Variants in SIM2 observed in about 807,000 individuals in gnomAD.
SIM2 encodes the protein SIM bHLH transcription factor 2.
SIM2 carries 28 observed loss-of-function variants against 64.8 expected under a neutral mutation model. That is an observed-to-expected ratio of 0.43 (90% CI 0.32 to 0.59). SIM2 has a LOEUF of 0.59. Among genes scored for constraint, SIM2 ranks in the 20% least tolerant of loss-of-function variants. The probability of loss-of-function intolerance (pLI) is 0.07; values close to 1 mark genes in which losing one functional copy is unlikely to be tolerated. For missense variants in SIM2, 847 were observed against 871.4 expected, an observed-to-expected ratio of 0.97 and a Z score of 0.35; for synonymous variants, 408 against 391.1, an observed-to-expected ratio of 1.04 and a Z score of -0.51.
intron 7 of SIM2, among the ~76,000 whole-genome samples, chr21:36,738,878 G>A (rs1601053851): frequency 6.6e-6 from 1 of 152,206 alleles, no homozygotes; most frequent in African/African-American, 2.4e-5. Flanking sequence ...TGTTAAGCCT[G>A]GGCAGAAAAG....
chr21:36,732,906 GGAGACGGGA>G (rs999902587), intron 7 of SIM2, among the ~76,000 whole-genome samples: 29 of 152,298 alleles, frequency 1.9e-4, no homozygotes, highest in African/African-American at 6.7e-4. Flanking sequence ...AGAGCAGTTG[GGAGACGGGA>G]GAGGCATTTG....
intron 7 of SIM2, among the ~76,000 whole-genome samples, chr21:36,740,748 C>T (rs2089149329): frequency 1.3e-5 from 2 of 152,238 alleles, no homozygotes; most frequent in African/African-American, 4.8e-5. Context: ...GAGTTTCCTT[C>T]AGCCCCAGCT....
At chr21:36,707,482 G>C (rs893066384) in intron 1 of SIM2, among the ~76,000 whole-genome samples, 27 of 152,168 alleles carry the variant, frequency 1.8e-4, no homozygotes, top group African/African-American at 6.0e-4. Context: ...TCCCGGGATC[G>C]TGTATGTGGA....
chr21:36,719,783 G>A, intron 3 of SIM2, 38 bp from the exon 4 acceptor site: 1 of 1,266,138 alleles, frequency 7.9e-7, no homozygotes, highest in Non-Finnish European at 1.2e-6. Flanking sequence ...CAATCCCAGA[G>A]AGGCGGTGGC....
intron 1 of SIM2, among the ~76,000 whole-genome samples, chr21:36,703,065 C>T (rs931189829): frequency 2.0e-5 from 3 of 152,148 alleles, no homozygotes; most frequent in Non-Finnish European, 4.4e-5. Context: ...GTAGCAAGGG[C>T]AATAGCAGGC....
intron 2 of SIM2, among the ~76,000 whole-genome samples, chr21:36,711,400 T>TA (rs1239401179): frequency 6.6e-6 from 1 of 152,248 alleles, no homozygotes; most frequent in Non-Finnish European, 1.5e-5. Context: ...GTTAGGCTTA[T>TA]AATCAAGATG....
At chr21:36,700,299 C>CCTTT (rs201030610) in intron 1 of SIM2, among the ~76,000 whole-genome samples, 5,974 of 150,018 alleles carry the variant, frequency 0.04, 390 homozygotes, top group African/African-American at 0.14. Context: ...CTCTTTCTTT[C>CCTTT]CTTTCTTTCT....
chr21:36,741,950 T>C, intron 8 of SIM2, 86 bp downstream of exon 8: 2 of 1,287,360 alleles, frequency 1.6e-6, no homozygotes, highest in East Asian at 5.3e-5. Context: ...CATCTCTCTT[T>C]CTCTCTTTCT....
At chr21:36,717,122 C>T (rs2088757926) in intron 3 of SIM2, among the ~76,000 whole-genome samples, 1 of 152,178 alleles carries the variant, frequency 6.6e-6, no homozygotes. Context: ...CAACCTCACC[C>T]TTCTCATTCT....
At chr21:36,727,700 C>T (rs1018741784) in intron 6 of SIM2, among the ~76,000 whole-genome samples, 15 of 152,054 alleles carry the variant, frequency 9.9e-5, no homozygotes, top group Admixed American at 1.3e-4. Flanking sequence ...TGTGTGTGTG[C>T]GATGAGTCTT....
chr21:36,707,315 C>G (rs958413966), intron 1 of SIM2, among the ~76,000 whole-genome samples: 2 of 152,164 alleles, frequency 1.3e-5, no homozygotes, highest in Admixed American at 6.5e-5. Flanking sequence ...GCTGCCGCCA[C>G]GAGGCCTGGG....
chr21:36,747,565 CG>C lies in SIM2; in HGVS notation c.1577-99del. 1.4e-6 allele frequency: 1 copy of C among 730,108 alleles called. No individual in the cohort carries two copies. The allele number at this position is 730,108 out of a possible 1,614,324, so 45.2% of individuals were successfully genotyped here. A position where few individuals can be genotyped will look rare whatever the true frequency, so the allele number is the denominator to read the frequency against. Reference sequence around the variant, plus strand: ...CGACAGCGACCCCGCGGGTGCAGCGCGTGGGCGGCCGAGGGGTGGTGGCTGC... The same window carrying C: ...CGACAGCGACCCCGCGGGTGCAGCGCTGGGCGGCCGAGGGGTGGTGGCTGC... On this transcript the variant is annotated intron_variant, in intron 10 of 10. Transcript: ENST00000290399. The surrounding 1 kb of genome is among the most constrained non-coding windows in gnomAD (Gnocchi z 4.5).
chr21:36,745,239 T>C lies in SIM2; in HGVS notation c.1576+103T>C. On this transcript the variant is annotated intron_variant, in intron 10 of 10. Coordinates refer to ENST00000290399, the MANE Select transcript of SIM2 (RefSeq NM_005069.6). The surrounding 1 kb of genome is among the most constrained non-coding windows in gnomAD (Gnocchi z 4.8). ...CAGATGGAGACAGAACCCTCACGCT[T>C]TGGGCAAACTTGCCCTCTTTCTGCT... 1 of 1,475,088 alleles carries C rather than the reference T, an allele frequency of 6.8e-7. No homozygotes were observed. The highest frequency in any genetic ancestry group is 9.0e-7 in the Non-Finnish European group (1 of 1,110,142). 91.4% of individuals were successfully genotyped at this position (1,475,088 alleles called of 1,614,324 possible).
At chr21:36,720,136 C>G (rs2088805789) in intron 4 of SIM2, 1 of 565,514 alleles carries the variant, frequency 1.8e-6, no homozygotes, top group African/African-American at 1.9e-5. Flanking sequence ...TCATCAAGCT[C>G]CTATTGTTGG....
chr21:36,710,679 C>T (rs1231086722), intron 2 of SIM2: 1 of 152,216 alleles, frequency 6.6e-6, no homozygotes, highest in Non-Finnish European at 1.5e-5. Flanking sequence ...TTCCAAAAAG[C>T]AGATCTTTTC....
At chr21:36,705,252 C>G (rs2088563702) in intron 1 of SIM2, among the ~76,000 whole-genome samples, 1 of 152,224 alleles carries the variant, frequency 6.6e-6, no homozygotes. Flanking sequence ...TTGCGTGGAG[C>G]AGGGAGCGGA....
rs756799246 is a variant in SIM2 at position 36,744,937 on chromosome 21, A to G, written c.1377A>G (p.Pro459=). ...CTCACGTCTTCAGCAGCAAAAAGCC[A>G]ATGTTGCCGGCCAAGTTCGGGCAGC... ...LDSHVFSSKK[P]MLPAKFGQPQ... Residue 459 remains proline, a synonymous_variant, in exon 10 of 11, where the codon CCA becomes CCG. Transcript: ENST00000290399. 4 of 1,614,180 alleles carry G rather than the reference A, an allele frequency of 2.5e-6. No homozygotes were observed. Among genetic ancestry groups the G allele is most frequent in the Non-Finnish European group, 3.4e-6 (4 of 1,180,032 alleles).
At chr21:36,710,760 C>G (rs2088663819) in intron 2 of SIM2, 1 of 152,140 alleles carries the variant, frequency 6.6e-6, no homozygotes, top group Non-Finnish European at 1.5e-5. Context: ...AGAGAAGACC[C>G]GGGGAATATT....
chr21:36,736,850 CTTTCTTTCT>C, intron 7 of SIM2, among the ~76,000 whole-genome samples: 1 of 23,430 alleles, frequency 4.3e-5, no homozygotes, highest in East Asian at 1.8e-3. Flanking sequence ...TCTTTCTTTT[CTTTCTTTCT>C]TTTTCTTTCT....
Sources: allele counts gnomAD v4.1 joint callset (sites outside exome capture counted in the v4.1 genomes callset), GRCh38; gene constraint gnomAD v4.1.1; non-coding constraint Gnocchi (gnomAD v3.1); transcripts MANE v1.5; gene names NCBI Gene and HGNC (gene_info 2026-07-23, HGNC 2026-07-21).